The following AGBL4 variants were observed in gnomAD, a reference collection of about 807,000 sequenced individuals.
AGBL4 encodes the protein AGBL carboxypeptidase 4.
In AGBL4, 58 loss-of-function variants were observed where a neutral mutation model predicts 66.4. The ratio of observed to expected loss-of-function variants is 0.87; its 90% CI spans 0.71 to 1.09. The LOEUF (loss-of-function observed/expected upper bound fraction) is 1.09, where lower values mean the gene tolerates loss of function less well. AGBL4 is among the 50% of genes least tolerant of loss of function. The pLI, the probability that AGBL4 is intolerant of heterozygous loss-of-function variation, is 0.00. For synonymous variants in AGBL4, 234 were observed against 222.9 expected (o/e 1.05, Z -0.44); for missense variants, 579 against 631.0 (o/e 0.92, Z 0.88).
At chr1:49,502,853 CAG>C (rs1459964288) in intron 3 of AGBL4, among the ~76,000 whole-genome samples, 4 of 152,110 alleles carry the variant, frequency 2.6e-5, no homozygotes, top group Admixed American at 2.6e-4. Context: ...CAAGAGGTGA[CAG>C]AGCATAAAAA....
intron 3 of AGBL4, among the ~76,000 whole-genome samples, chr1:49,625,584 A>G (rs1184420966): frequency 1.3e-5 from 2 of 152,174 alleles, no homozygotes; most frequent in Non-Finnish European, 2.9e-5. Context: ...AACTTGCTGA[A>G]ATTTTCTGAA....
At chr1:49,425,738 C>G (rs1645642221) in intron 3 of AGBL4, among the ~76,000 whole-genome samples, 1 of 152,128 alleles carries the variant, frequency 6.6e-6, no homozygotes. Flanking sequence ...GCCTCATGAC[C>G]AAAGTAGAGA....
At chr1:49,113,045 A>G (rs186516876) in intron 4 of AGBL4, among the ~76,000 whole-genome samples, 4 of 149,472 alleles carry the variant, frequency 2.7e-5, no homozygotes, top group Non-Finnish European at 4.4e-5. Flanking sequence ...TCTGCCTCCC[A>G]GGTTGCGCCA....
At chr1:49,164,985 C>A (rs1646607599) in intron 4 of AGBL4, among the ~76,000 whole-genome samples, 1 of 152,076 alleles carries the variant, frequency 6.6e-6, no homozygotes, top group African/African-American at 2.4e-5. Context: ...TGGAAAGGCT[C>A]CTGCCTTTCC....
At chr1:49,074,260 C>T (rs1338885145) in intron 4 of AGBL4, among the ~76,000 whole-genome samples, 2 of 152,224 alleles carry the variant, frequency 1.3e-5, no homozygotes, top group Non-Finnish European at 2.9e-5. Context: ...AGTGCAGTAT[C>T]TGGGCATGAG....
chr1:48,840,680 G>C (rs1467308628), intron 6 of AGBL4, among the ~76,000 whole-genome samples: 1 of 152,188 alleles, frequency 6.6e-6, no homozygotes, highest in African/African-American at 2.4e-5. Context: ...ATTGCTGCTA[G>C]GAATGAAAAT....
At chr1:49,937,820 G>C (rs1000747324) in intron 1 of AGBL4, among the ~76,000 whole-genome samples, 18 of 152,024 alleles carry the variant, frequency 1.2e-4, no homozygotes, top group South Asian at 4.2e-4. Flanking sequence ...ATACCAGAAT[G>C]TCTGGGACAC....
rs1014452881 is a variant in AGBL4, at chr1:48,954,730, T to C, written c.595-87500A>G. Among the ~76,000 whole-genome samples the C allele has an allele frequency of 3.3e-5, 5 of 152,174 alleles. No homozygotes were observed. In the South Asian group the frequency reaches 1.0e-3, roughly 31 times the overall value. On this transcript the variant is annotated intron_variant, in intron 5 of 13. Coordinates refer to ENST00000371839, the MANE Select transcript of AGBL4 (RefSeq NM_032785.4). ...TCAATGTCCCTCTGATCCCACAGCTTTGTTTCTATATGACTACCTTTCCTT... is the reference window on the plus strand; with the variant it reads ...TCAATGTCCCTCTGATCCCACAGCTCTGTTTCTATATGACTACCTTTCCTT...
intron 6 of AGBL4, among the ~76,000 whole-genome samples, chr1:48,815,224 T>G (rs2148762847): frequency 6.6e-6 from 1 of 152,326 alleles, no homozygotes; most frequent in South Asian, 2.1e-4. Context: ...GATCATTTGC[T>G]CATCTTTTGT....
intron 4 of AGBL4, among the ~76,000 whole-genome samples, chr1:49,186,011 G>A (rs1422878133): frequency 6.6e-6 from 1 of 152,018 alleles, no homozygotes; most frequent in East Asian, 1.9e-4. Flanking sequence ...CCTCCATCCA[G>A]GGTCTCAGCT....
At chr1:49,174,797 T>C (rs1646801826) in intron 4 of AGBL4, 1 of 151,832 alleles carries the variant, frequency 6.6e-6, no homozygotes, top group Non-Finnish European at 1.5e-5. Flanking sequence ...CTGACTCTTG[T>C]GCCTTTCTCT....
At chr1:49,568,956 T>C (rs1400449419) in intron 3 of AGBL4, among the ~76,000 whole-genome samples, 2 of 152,324 alleles carry the variant, frequency 1.3e-5, no homozygotes, top group East Asian at 3.9e-4. Context: ...CTGTTTATGA[T>C]AGCTAAAATT....
At chr1:48,880,655 C>T (rs1019209460) in intron 5 of AGBL4, among the ~76,000 whole-genome samples, 6 of 152,120 alleles carry the variant, frequency 3.9e-5, no homozygotes, top group African/African-American at 1.4e-4. Flanking sequence ...TGATTATGGC[C>T]ATTCTTGCAG....
At chr1:49,875,315 C>A (rs1301279275) in intron 1 of AGBL4, among the ~76,000 whole-genome samples, 2 of 110,316 alleles carry the variant, frequency 1.8e-5, no homozygotes, top group Non-Finnish European at 3.6e-5. Flanking sequence ...CCTCCCCCCT[C>A]CACACCACAG....
At chr1:49,190,848 A>G (rs987749618) in intron 4 of AGBL4, among the ~76,000 whole-genome samples, 17 of 152,270 alleles carry the variant, frequency 1.1e-4, no homozygotes, top group Admixed American at 2.0e-4. Flanking sequence ...TGTTCCTGAG[A>G]AGTGAAGAAG....
rs141772658 is a variant in AGBL4 at position 49,303,451 on chromosome 1, T to TTTTATTTA, written c.283-57595_283-57588dup. On this transcript the variant is annotated intron_variant, in intron 3 of 13. Transcript: ENST00000371839. ...CATGTTTGCTGGCTGCATAAATGTC[T>TTTTATTTA]TTTATTTATTTATTTATTTGAGACA... Among the ~76,000 whole-genome samples the TTTTATTTA allele has an allele frequency of 3.9e-3, 577 of 147,340 alleles. 3 individuals carry two copies. The highest frequency in any genetic ancestry group is 0.013 in the African/African-American group (496 of 39,168).
At chr1:49,949,246 C>T (rs185046392) in intron 1 of AGBL4, among the ~76,000 whole-genome samples, 136 of 151,980 alleles carry the variant, frequency 8.9e-4, no homozygotes, top group Non-Finnish European at 1.6e-3. Flanking sequence ...AAATCTAAGA[C>T]TTGAAACTAT....
rs1360853417 is a variant in AGBL4, at chr1:49,697,429, C to T, written c.166G>A (p.Gly56Ser). 2.6e-6 allele frequency: 4 copies of T among 1,511,838 alleles called. No homozygotes were observed. The highest frequency in any genetic ancestry group is 3.6e-6 in the Non-Finnish European group (4 of 1,117,456). The allele number at this position is 1,511,838 out of a possible 1,614,324, so 93.7% of individuals were successfully genotyped here. ...AACTCAGAGACCTGGTCCACCCGGC[C>T]CAGGTTACCTGGTAATAAAAATTAA... Reference protein sequence around the residue: ...FDACFESGNLGRVDQVSEFEY... With the variant: ...FDACFESGNLSRVDQVSEFEY... Residue 56 changes from glycine to serine, a missense_variant, in exon 3 of 14, where the codon GGC (glycine) becomes AGC (serine). Gly to Ser is a moderately conservative substitution (Grantham distance 56). Coordinates refer to ENST00000371839, the MANE Select transcript of AGBL4 (RefSeq NM_032785.4).
chr1:49,983,462 G>A (rs772452071), intron 1 of AGBL4, among the ~76,000 whole-genome samples: 7 of 152,212 alleles, frequency 4.6e-5, no homozygotes, highest in African/African-American at 7.2e-5. Flanking sequence ...CTCACACACC[G>A]CTCGCTGCTC....
Sources: allele counts gnomAD v4.1 joint callset (sites outside exome capture counted in the v4.1 genomes callset), GRCh38; gene constraint gnomAD v4.1.1; transcripts MANE v1.5; gene names NCBI Gene and HGNC (gene_info 2026-07-23, HGNC 2026-07-21).